Variants in MACROD2 observed in about 807,000 individuals in gnomAD.
MACROD2 encodes the protein ADP-ribose glycohydrolase MACROD2.
Under a neutral mutation model 70.4 loss-of-function variants are expected in MACROD2, and 36 were observed. The ratio of observed to expected loss-of-function variants is 0.51; its 90% CI spans 0.39 to 0.68. The LOEUF is 0.68. MACROD2 is among the 30% of genes least tolerant of loss of function. MACROD2 has a pLI of 0.00. For synonymous variants in MACROD2, 172 were observed against 178.8 expected (o/e 0.96, Z 0.30); for missense variants, 496 against 538.4 (o/e 0.92, Z 0.78).
chr20:15,496,958 G>C (rs533264072), intron 7 of MACROD2, among the ~76,000 whole-genome samples: 1 of 152,122 alleles, frequency 6.6e-6, no homozygotes, highest in East Asian at 1.9e-4. Context: ...GGTGAGGGCC[G>C]ATCAGACCTT....
intron 8 of MACROD2, among the ~76,000 whole-genome samples, chr20:15,535,036 T>C (rs557586470): frequency 6.6e-6 from 1 of 152,102 alleles, no homozygotes; most frequent in Non-Finnish European, 1.5e-5. Flanking sequence ...AATACAGTGG[T>C]GTGGTCATGG....
chr20:14,903,551 TGTTA>T (rs2073922995), intron 5 of MACROD2, among the ~76,000 whole-genome samples: 1 of 146,084 alleles, frequency 6.8e-6, no homozygotes, highest in East Asian at 2.0e-4. Context: ...ACTATAATTT[TGTTA>T]GTTTTAAATT....
At chr20:14,293,903 T>G (rs1445807375) in intron 3 of MACROD2, among the ~76,000 whole-genome samples, 1 of 151,880 alleles carries the variant, frequency 6.6e-6, no homozygotes, top group African/African-American at 2.4e-5. Context: ...TAGACATAAA[T>G]TTAACATTAC....
intron 5 of MACROD2, among the ~76,000 whole-genome samples, chr20:15,166,913 T>A (rs1400684745): frequency 7.3e-5 from 11 of 149,982 alleles, no homozygotes; most frequent in African/African-American, 1.9e-4. Context: ...TTTAAGTATT[T>A]AATTTAAGTA....
intron 3 of MACROD2, among the ~76,000 whole-genome samples, chr20:14,416,834 G>T (rs888480550): frequency 6.6e-6 from 1 of 152,154 alleles, no homozygotes; most frequent in Non-Finnish European, 1.5e-5. Context: ...TAGTTTTTCA[G>T]TTGGGCATGG....
intron 6 of MACROD2, among the ~76,000 whole-genome samples, chr20:15,327,447 C>A (rs898820483): frequency 6.6e-6 from 1 of 152,104 alleles, no homozygotes; most frequent in African/African-American, 2.4e-5. Context: ...TTTGGCATGA[C>A]TGGAATCCTC....
At chr20:15,059,486 A>C (rs993796046) in intron 5 of MACROD2, among the ~76,000 whole-genome samples, 15 of 152,212 alleles carry the variant, frequency 9.9e-5, no homozygotes, top group African/African-American at 3.6e-4. Flanking sequence ...TGGGTTGTGA[A>C]TATTTAATAA....
At chr20:14,940,657 A>ATT (rs113977665) in intron 5 of MACROD2, among the ~76,000 whole-genome samples, 18 of 151,958 alleles carry the variant, frequency 1.2e-4, no homozygotes, top group Admixed American at 3.9e-4. Context: ...CAAAATGATC[A>ATT]TTTTTTTCCC....
At chr20:15,128,564 C>T (rs2076083038) in intron 5 of MACROD2, among the ~76,000 whole-genome samples, 1 of 152,034 alleles carries the variant, frequency 6.6e-6, no homozygotes. Flanking sequence ...AAGCTACTTT[C>T]ATCAGTTGAT....
intron 8 of MACROD2, among the ~76,000 whole-genome samples, chr20:15,546,393 T>C (rs1388772472): frequency 2.0e-5 from 3 of 152,192 alleles, no homozygotes; most frequent in East Asian, 1.9e-4. Context: ...ATTTGCATTG[T>C]AAGGATGAGA....
intron 2 of MACROD2, among the ~76,000 whole-genome samples, chr20:14,034,187 G>T (rs2053280313): frequency 6.6e-6 from 1 of 152,080 alleles, no homozygotes; most frequent in South Asian, 2.1e-4. Flanking sequence ...TGTTAGCCAG[G>T]ATGGCTACGA....
intron 2 of MACROD2, among the ~76,000 whole-genome samples, chr20:14,073,967 G>C (rs1044440025): frequency 3.3e-5 from 5 of 152,084 alleles, no homozygotes; most frequent in Admixed American, 2.0e-4. Flanking sequence ...TGTCCAGTTT[G>C]AGCAAGAATC....
intron 2 of MACROD2, among the ~76,000 whole-genome samples, chr20:14,042,205 T>C (rs1278287434): frequency 6.6e-6 from 1 of 152,058 alleles, no homozygotes; most frequent in Non-Finnish European, 1.5e-5. Flanking sequence ...ATAGAGAAGG[T>C]TGTAGAATCC....
intron 3 of MACROD2, among the ~76,000 whole-genome samples, chr20:14,142,797 A>G (rs1262828754): frequency 3.3e-5 from 5 of 152,172 alleles, no homozygotes; most frequent in Non-Finnish European, 7.3e-5. Flanking sequence ...AATTTTTCCT[A>G]TAGCCAAATA....
At chr20:15,383,723 GAT>G (rs1279430218) in intron 6 of MACROD2, among the ~76,000 whole-genome samples, 1 of 152,072 alleles carries the variant, frequency 6.6e-6, no homozygotes, top group Non-Finnish European at 1.5e-5. Context: ...AACAAAATAT[GAT>G]ATGTGTTCCC....
intron 2 of MACROD2, among the ~76,000 whole-genome samples, chr20:14,025,959 C>A (rs1023033249): frequency 1.3e-5 from 2 of 152,090 alleles, no homozygotes; most frequent in Non-Finnish European, 2.9e-5. Flanking sequence ...AAGTCTCCCA[C>A]TATTACTGTG....
intron 8 of MACROD2, among the ~76,000 whole-genome samples, chr20:15,662,328 G>A (rs138768483): frequency 1.3e-5 from 2 of 152,310 alleles, no homozygotes; most frequent in African/African-American, 4.8e-5. Flanking sequence ...GAATTCATTG[G>A]TAGCTATACT....
At chr20:14,669,175 T>G (rs1391150100) in intron 4 of MACROD2, among the ~76,000 whole-genome samples, 2 of 152,202 alleles carry the variant, frequency 1.3e-5, no homozygotes, top group Non-Finnish European at 2.9e-5. Context: ...TCTTTATGTG[T>G]GTAGTTTGGA....
At chr20:14,688,037 C>G (rs2071022417) in intron 5 of MACROD2, among the ~76,000 whole-genome samples, 1 of 152,124 alleles carries the variant, frequency 6.6e-6, no homozygotes, top group South Asian at 2.1e-4. Flanking sequence ...TTTGGTTCAT[C>G]CATTTCAGAG....
Sources: allele counts gnomAD v4.1 joint callset (sites outside exome capture counted in the v4.1 genomes callset), GRCh38; gene constraint gnomAD v4.1.1; transcripts MANE v1.5; gene names NCBI Gene and HGNC (gene_info 2026-07-23, HGNC 2026-07-21).